SIPA1L1: variants seen among roughly 807,000 people sequenced by gnomAD.
SIPA1L1 encodes the protein signal-induced proliferation-associated 1-like protein 1.
Under a neutral mutation model 162.7 loss-of-function variants are expected in SIPA1L1, and 26 were observed. That is an observed-to-expected ratio of 0.16 (90% CI 0.12 to 0.22). The LOEUF (loss-of-function observed/expected upper bound fraction) is 0.22, where lower values mean the gene tolerates loss of function less well. Among genes scored for constraint, SIPA1L1 ranks in the 10% least tolerant of loss-of-function variants. The pLI, the probability that SIPA1L1 is intolerant of heterozygous loss-of-function variation, is 1.00. For missense variants in SIPA1L1, 1,874 were observed against 2,241.0 expected, an observed-to-expected ratio of 0.84 and a Z score of 3.31; for synonymous variants, 829 against 837.4, an observed-to-expected ratio of 0.99 and a Z score of 0.17.
At chr14:71,410,913 CCCT>C (rs763317349) in intron 2 of SIPA1L1, among the ~76,000 whole-genome samples, 10 of 152,158 alleles carry the variant, frequency 6.6e-5, no homozygotes, top group Non-Finnish European at 1.5e-4. Flanking sequence ...CTTCCCCCCT[CCCT>C]CCATACCTGT....
intron 5 of SIPA1L1, among the ~76,000 whole-genome samples, chr14:71,603,038 T>A (rs2036977286): frequency 6.6e-6 from 1 of 152,216 alleles, no homozygotes; most frequent in Admixed American, 6.5e-5. Flanking sequence ...GGTGCTCTGG[T>A]GGTGAGTGCA....
At chr14:71,459,863 C>T (rs1197697830) in intron 2 of SIPA1L1, among the ~76,000 whole-genome samples, 3 of 152,140 alleles carry the variant, frequency 2.0e-5, no homozygotes, top group Non-Finnish European at 4.4e-5. Flanking sequence ...CATTACAAGT[C>T]CGCCCCTTGT....
At chr14:71,643,580 T>A (rs146485116) in intron 7 of SIPA1L1, among the ~76,000 whole-genome samples, 120 of 152,356 alleles carry the variant, frequency 7.9e-4, no homozygotes, top group Middle Eastern at 3.4e-3. Flanking sequence ...GTATCGTTTT[T>A]GCAGATCTCT....
At chr14:71,535,582 T>A (rs751276785) in intron 4 of SIPA1L1, among the ~76,000 whole-genome samples, 2 of 152,096 alleles carry the variant, frequency 1.3e-5, no homozygotes, top group Non-Finnish European at 2.9e-5. Flanking sequence ...GATAACTGAA[T>A]GTCAGAATCC....
chr14:71,462,786 A>G (rs572230053), intron 2 of SIPA1L1, among the ~76,000 whole-genome samples: 2 of 152,338 alleles, frequency 1.3e-5, no homozygotes, highest in South Asian at 4.1e-4. Context: ...ATGAAAAGTG[A>G]TCAAGGTCTC....
chr14:71,328,523 T>G (rs749381703), intron 2 of SIPA1L1, among the ~76,000 whole-genome samples: 1 of 152,204 alleles, frequency 6.6e-6, no homozygotes, highest in Non-Finnish European at 1.5e-5. Context: ...AGATCTATGC[T>G]TGACAATAAG....
Position 71,479,336 on chromosome 14 carries a change from GGTAT to G in SIPA1L1, c.-464-33372_-464-33369del, listed in dbSNP as rs59082026. 7.9e-3 allele frequency among the ~76,000 whole-genome samples: 1,171 copies of G among 148,318 alleles called. 7 individuals are homozygous for G. Among genetic ancestry groups the G allele is most frequent in the African/African-American group, 0.023 (916 of 40,128 alleles). On this transcript the variant is annotated intron_variant, in intron 2 of 23. Transcript: ENST00000381232. ...CTTTTTCCATGTGTGTGTGTATGTA[GGTAT>G]GTATGTATGTATGTATGTATGTATG...
At chr14:71,623,932 A>G (rs2039708277) in intron 6 of SIPA1L1, 116 bp from the exon 7 acceptor site, 1 of 795,216 alleles carries the variant, frequency 1.3e-6, no homozygotes, top group African/African-American at 1.7e-5. Flanking sequence ...TTTACCCATC[A>G]AAAATCATTC....
intron 3 of SIPA1L1, among the ~76,000 whole-genome samples, chr14:71,526,490 A>G (rs1410429693): frequency 5.3e-5 from 8 of 152,176 alleles, no homozygotes; most frequent in Admixed American, 5.2e-4. Context: ...TATGTTTGTG[A>G]GATTTATCAG....
At chr14:71,462,951 G>A (rs770302668) in intron 2 of SIPA1L1, among the ~76,000 whole-genome samples, 3 of 152,228 alleles carry the variant, frequency 2.0e-5, no homozygotes, top group African/African-American at 7.2e-5. Flanking sequence ...GTCTATGGCT[G>A]CATACCAGGT....
chr14:71,713,618 G>A (rs894651076), intron 17 of SIPA1L1, among the ~76,000 whole-genome samples: 1 of 152,178 alleles, frequency 6.6e-6, no homozygotes, highest in African/African-American at 2.4e-5. Context: ...TCTGGTTGAT[G>A]GTTCATGCCA....
chr14:71,350,226 AACACAC>A (rs10664371), intron 2 of SIPA1L1, among the ~76,000 whole-genome samples: 13 of 146,886 alleles, frequency 8.9e-5, no homozygotes, highest in East Asian at 2.0e-4. Context: ...GTCTCTACTA[AACACAC>A]ACACACACAC....
chr14:71,698,606 T>C (rs2081838902), intron 13 of SIPA1L1, among the ~76,000 whole-genome samples: 1 of 152,228 alleles, frequency 6.6e-6, no homozygotes, highest in Non-Finnish European at 1.5e-5. Flanking sequence ...AGGACTAGTG[T>C]AAGAAATTGG....
At chr14:71,559,081 T>C (rs564075967) in intron 4 of SIPA1L1, among the ~76,000 whole-genome samples, 217 of 151,370 alleles carry the variant, frequency 1.4e-3, no homozygotes, top group Non-Finnish European at 2.4e-3. Context: ...TTTTTTTTTT[T>C]CTTGAGATGG....
intron 4 of SIPA1L1, among the ~76,000 whole-genome samples, chr14:71,547,769 C>T (rs538595943): frequency 1.9e-4 from 29 of 152,298 alleles, no homozygotes; most frequent in African/African-American, 7.0e-4. Context: ...ATAACAGATG[C>T]TCGTGAGCTG....
At position 71,588,716 on chromosome 14, in the gene SIPA1L1, C is replaced by A. The variant is rs757667596; in HGVS notation, c.844C>A (p.Leu282Ile). 48 of 1,613,896 alleles carry A rather than the reference C, an allele frequency of 3.0e-5. No individual in the cohort carries two copies. The highest frequency in any genetic ancestry group is 3.9e-5 in the Non-Finnish European group (46 of 1,179,966). The change falls in exon 5 of 24, where the codon CTC (leucine) becomes ATC (isoleucine). Residue 282 changes from leucine (L) to isoleucine (I), a missense_variant. Leu to Ile is a conservative substitution (Grantham distance 5). Coordinates refer to ENST00000381232, the MANE Select transcript of SIPA1L1 (RefSeq NM_001386936.1). This position sits in a 1 kb window ranked among gnomAD's most constrained non-coding sequence, Gnocchi z 4.3. Reference protein sequence around the residue: ...LRLFKEREKPLKRRSKSETGD... With the variant: ...LRLFKEREKPIKRRSKSETGD... ...GCTTTTTAAGGAAAGGGAAAAACCA[C>A]TCAAGCGACGTTCAAAATCTGAAAC...
intron 3 of SIPA1L1, among the ~76,000 whole-genome samples, chr14:71,515,747 C>G (rs2051654458): frequency 6.6e-6 from 1 of 152,130 alleles, no homozygotes; most frequent in African/African-American, 2.4e-5. Flanking sequence ...AAGCCATTCT[C>G]CTGTCTCAGC....
chr14:71,647,865 A>G (rs915351167), intron 7 of SIPA1L1, among the ~76,000 whole-genome samples: 1 of 151,730 alleles, frequency 6.6e-6, no homozygotes, highest in Non-Finnish European at 1.5e-5. Context: ...AAAGGGGTTA[A>G]ATGTCAGTAG....
chr14:71,405,121 A>C (rs113046125), intron 2 of SIPA1L1, among the ~76,000 whole-genome samples: 12 of 152,266 alleles, frequency 7.9e-5, no homozygotes, highest in African/African-American at 2.9e-4. Context: ...GTAAATGCTT[A>C]TTGCACAAAT....
Sources: allele counts gnomAD v4.1 joint callset (sites outside exome capture counted in the v4.1 genomes callset), GRCh38; gene constraint gnomAD v4.1.1; non-coding constraint Gnocchi (gnomAD v3.1); transcripts MANE v1.5; gene names NCBI Gene and HGNC (gene_info 2026-07-23, HGNC 2026-07-21).